EPB41L4A: variants seen among roughly 807,000 people sequenced by gnomAD.
The protein encoded by EPB41L4A is band 4.1-like protein 4A.
A neutral mutation model predicts 108.6 loss-of-function variants in EPB41L4A; 100 were observed. The ratio of observed to expected loss-of-function variants is 0.92; its 90% CI spans 0.78 to 1.09. The LOEUF (loss-of-function observed/expected upper bound fraction) is 1.09. EPB41L4A is among the 50% of genes least tolerant of loss of function. EPB41L4A has a pLI of 0.00. For missense variants in EPB41L4A, 1,030 were observed against 842.7 expected (o/e 1.22, Z -2.75); for synonymous variants, 319 against 289.0 (o/e 1.10, Z -1.05).
At chr5:112,330,356 A>C (rs1231193493) in intron 1 of EPB41L4A, among the ~76,000 whole-genome samples, 2 of 152,112 alleles carry the variant, frequency 1.3e-5, no homozygotes, top group Non-Finnish European at 2.9e-5. Flanking sequence ...TTTTGCACTA[A>C]CCAGGTTCTG....
intron 12 of EPB41L4A, among the ~76,000 whole-genome samples, chr5:112,234,085 G>T (rs1039911060): frequency 1.3e-5 from 2 of 151,734 alleles, no homozygotes; most frequent in African/African-American, 2.4e-5. Flanking sequence ...TTGGGAGGCT[G>T]AAGAGAGATG....
chr5:112,275,756 C>A (rs1378301989), intron 3 of EPB41L4A, among the ~76,000 whole-genome samples: 2 of 151,912 alleles, frequency 1.3e-5, no homozygotes, highest in Admixed American at 1.3e-4. Flanking sequence ...ACCCACCTAT[C>A]ATTTCATTAA....
intron 4 of EPB41L4A, among the ~76,000 whole-genome samples, chr5:112,267,519 T>C (rs1396859735): frequency 6.6e-6 from 1 of 152,132 alleles, no homozygotes; most frequent in African/African-American, 2.4e-5. Flanking sequence ...TTTCAGTAAA[T>C]GGCACCCCCG....
At chr5:112,172,003 G>T (rs955798293) in intron 18 of EPB41L4A, among the ~76,000 whole-genome samples, 2 of 152,054 alleles carry the variant, frequency 1.3e-5, no homozygotes, top group Non-Finnish European at 2.9e-5. Context: ...CGGTATTCTG[G>T]TAGGGCTTCC....
chr5:112,323,247 C>T (rs1279803277), intron 1 of EPB41L4A, among the ~76,000 whole-genome samples: 1 of 152,038 alleles, frequency 6.6e-6, no homozygotes, highest in Non-Finnish European at 1.5e-5. Context: ...AAAAGAAAAC[C>T]TCCCTGAGAT....
At chr5:112,219,119 A>C (rs1429450370) in intron 12 of EPB41L4A, among the ~76,000 whole-genome samples, 1 of 152,084 alleles carries the variant, frequency 6.6e-6, no homozygotes, top group Non-Finnish European at 1.5e-5. Flanking sequence ...ATTTATCCCT[A>C]ATATGTTTTG....
At chr5:112,188,968 C>G (rs1243043732) in intron 17 of EPB41L4A, among the ~76,000 whole-genome samples, 1 of 152,180 alleles carries the variant, frequency 6.6e-6, no homozygotes, top group Non-Finnish European at 1.5e-5. Context: ...ATTTCTCACA[C>G]AGAAATGTGC....
intron 12 of EPB41L4A, among the ~76,000 whole-genome samples, chr5:112,153,726 T>C (rs1255313150): frequency 4.0e-5 from 6 of 151,372 alleles, no homozygotes; most frequent in Non-Finnish European, 8.8e-5. Flanking sequence ...TGGAATAATA[T>C]GGTTAATAAG....
intron 1 of EPB41L4A, among the ~76,000 whole-genome samples, chr5:112,324,325 T>A (rs571273399): frequency 6.6e-6 from 1 of 152,304 alleles, no homozygotes; most frequent in Non-Finnish European, 1.5e-5. Context: ...AGTGAGAAAG[T>A]AACCACAGTA....
At chr5:112,355,773 A>T (rs545828629) in intron 1 of EPB41L4A, among the ~76,000 whole-genome samples, 55 of 152,298 alleles carry the variant, frequency 3.6e-4, no homozygotes, top group African/African-American at 1.3e-3. Flanking sequence ...AACTGGAAAC[A>T]AAGCCATAAC....
intron 12 of EPB41L4A, among the ~76,000 whole-genome samples, chr5:112,217,672 T>C (rs1354425579): frequency 6.6e-6 from 1 of 152,210 alleles, no homozygotes; most frequent in Admixed American, 6.5e-5. Context: ...CACTCCAGCC[T>C]GGTGACAGAG....
intron 1 of EPB41L4A, among the ~76,000 whole-genome samples, chr5:112,335,645 C>T (rs1221548509): frequency 2.0e-5 from 3 of 152,226 alleles, no homozygotes; most frequent in Non-Finnish European, 4.4e-5. Context: ...TAGGAGGCAT[C>T]TCCACTACTG....
intron 16 of EPB41L4A, 133 bp from the exon 17 acceptor site, chr5:112,194,778 T>C (rs1433652400): frequency 5.5e-6 from 3 of 546,490 alleles, no homozygotes; most frequent in African/African-American, 3.9e-5. Flanking sequence ...AAGAGCTGTA[T>C]TATCCCTCTC....
At chr5:112,170,397 AG>A in intron 19 of EPB41L4A, 28 bp from the exon 20 acceptor site, 1 of 1,415,988 alleles carries the variant, frequency 7.1e-7, no homozygotes, top group Non-Finnish European at 1.0e-6. Context: ...AGAAAATGAT[AG>A]TTGTGGTGCT....
chr5:112,409,570 CGGAAA>C (rs1198181540), intron 1 of EPB41L4A, among the ~76,000 whole-genome samples: 3 of 152,154 alleles, frequency 2.0e-5, no homozygotes, highest in East Asian at 1.9e-4. Context: ...ACCTAGAAAA[CGGAAA>C]GGAGAGAGAT....
At chr5:112,193,389 C>T (rs112935063) in intron 17 of EPB41L4A, among the ~76,000 whole-genome samples, 1 of 152,144 alleles carries the variant, frequency 6.6e-6, no homozygotes, top group Non-Finnish European at 1.5e-5. Context: ...GCAACCTTCA[C>T]CTCCCGGGTT....
At chr5:112,392,161 A>T (rs1272381819) in intron 1 of EPB41L4A, among the ~76,000 whole-genome samples, 1 of 152,186 alleles carries the variant, frequency 6.6e-6, no homozygotes, top group African/African-American at 2.4e-5. Context: ...AAGAAACTGC[A>T]TCGACTAATG....
At chr5:112,301,601 C>T (rs1172594861) in intron 2 of EPB41L4A, among the ~76,000 whole-genome samples, 1 of 152,144 alleles carries the variant, frequency 6.6e-6, no homozygotes, top group East Asian at 1.9e-4. Flanking sequence ...TGTGGATTCT[C>T]TCAGCTTTCT....
In EPB41L4A at chr5:112,164,831, CAAAAAAAA is replaced by C. The variant is rs5870486; in HGVS notation, c.*151_*158del. 4.5e-4 allele frequency: 220 copies of C among 490,412 alleles called. 1 individual carries two copies. In the African/African-American group the frequency reaches 5.6e-3, roughly 12 times the overall value. The allele number at this position is 490,412 out of a possible 1,614,324, so 30.4% of individuals were successfully genotyped here. On this transcript the variant is annotated 3_prime_UTR_variant, in exon 23 of 23. Coordinates refer to ENST00000261486, the MANE Select transcript of EPB41L4A (RefSeq NM_022140.5). ...CCTGGGCGACAGAGTGATAACATCT[CAAAAAAAA>C]AAAAAAAAAGAAGCAAAAGATAATG...
Sources: gnomAD v4.1 joint callset for allele counts (sites outside exome capture counted in the v4.1 genomes callset) on GRCh38, gnomAD v4.1.1 for gene constraint, MANE v1.5 for transcripts, NCBI Gene and HGNC (gene_info 2026-07-23, HGNC 2026-07-21) for gene names.